PDPK1: variants seen among roughly 807,000 people sequenced by gnomAD.
The protein encoded by PDPK1 is 3-phosphoinositide-dependent protein kinase 1.
In PDPK1, 7 loss-of-function variants were observed where a neutral mutation model predicts 39.8. That is an observed-to-expected ratio of 0.18 (90% CI 0.10 to 0.33). The LOEUF (loss-of-function observed/expected upper bound fraction) is 0.33. PDPK1 is among the 10% of genes least tolerant of loss of function. PDPK1 has a pLI of 1.00. For missense variants in PDPK1, 182 were observed against 384.7 expected, an observed-to-expected ratio of 0.47 and a Z score of 4.41; for synonymous variants, 118 against 159.1, an observed-to-expected ratio of 0.74 and a Z score of 1.95.
At chr16:2,546,079 A>C (rs1009125547) in intron 1 of PDPK1, among the ~76,000 whole-genome samples, 2 of 151,978 alleles carry the variant, frequency 1.3e-5, no homozygotes, top group African/African-American at 4.8e-5. Flanking sequence ...GGAGATGATG[A>C]GCTAAAGGTA....
Position 2,593,207 on chromosome 16 carries a change from G to T in PDPK1, c.1344-2586G>T. Reference sequence around the variant, plus strand: ...CGGCCCAGCTCAATGTCTTCATTTAGGGCCATTGAGAGTTTCTTGTGTCAC... The same window carrying T: ...CGGCCCAGCTCAATGTCTTCATTTATGGCCATTGAGAGTTTCTTGTGTCAC... On this transcript the variant is annotated intron_variant, in intron 11 of 13. Coordinates refer to ENST00000342085, the MANE Select transcript of PDPK1 (RefSeq NM_002613.5). The surrounding 1 kb of genome is among the most constrained non-coding windows in gnomAD (Gnocchi z 4.2). 2.5e-6 allele frequency: 1 copy of T among 392,202 alleles called. No individual in the cohort carries two copies. Among genetic ancestry groups the T allele is most frequent in the Non-Finnish European group, 5.0e-6 (1 of 200,306 alleles). 24.3% of individuals were successfully genotyped at this position (392,202 alleles called of 1,614,324 possible). A position where few individuals can be genotyped will look rare whatever the true frequency, so the allele number is the denominator to read the frequency against.
intron 1 of PDPK1, among the ~76,000 whole-genome samples, chr16:2,544,052 T>C (rs2066289737): frequency 2.0e-5 from 3 of 152,102 alleles, no homozygotes; most frequent in African/African-American, 7.2e-5. Flanking sequence ...CTATATTCTT[T>C]AGGGAATCAT....
intron 6 of PDPK1, chr16:2,577,224 G>C: frequency 3.1e-6 from 2 of 635,070 alleles, no homozygotes; most frequent in South Asian, 3.6e-5. Flanking sequence ...CGCGTGTCGG[G>C]TGGGAGCGCC....
intron 11 of PDPK1, among the ~76,000 whole-genome samples, chr16:2,589,216 A>G (rs899514257): frequency 2.6e-5 from 4 of 152,194 alleles, no homozygotes; most frequent in Admixed American, 6.5e-5. Context: ...TCGGCTTCTC[A>G]AAGTGCTGGG....
chr16:2,590,955 C>CTTT (rs1189844610), intron 11 of PDPK1, among the ~76,000 whole-genome samples: 38 of 134,004 alleles, frequency 2.8e-4, no homozygotes, highest in African/African-American at 9.0e-4. Flanking sequence ...GGCCAAAAGT[C>CTTT]TTTTTTTTTT....
chr16:2,539,820 G>T (rs2066211800), intron 1 of PDPK1, among the ~76,000 whole-genome samples: 1 of 152,172 alleles, frequency 6.6e-6, no homozygotes, highest in African/African-American at 2.4e-5. Context: ...TCCAATGCAA[G>T]GTGTGTATTT....
In PDPK1 at chr16:2,600,465, C is replaced by A. The variant is rs1186111893; in HGVS notation, c.*2698C>A. ...GGCTTCTGAGGGATTCCTTTCTCCC[C>A]TCTTTGTGTGGCCCCAGCCAGGGCG... On this transcript the variant is annotated 3_prime_UTR_variant, in exon 14 of 14. Coordinates refer to ENST00000342085, the MANE Select transcript of PDPK1 (RefSeq NM_002613.5). 1 of 230,266 alleles carries A rather than the reference C, an allele frequency of 4.3e-6. No homozygotes were observed. Among genetic ancestry groups the A allele is most frequent in the Non-Finnish European group, 8.5e-6 (1 of 117,074 alleles). The allele number at this position is 230,266 out of a possible 1,614,324, so 14.3% of individuals were successfully genotyped here.
chr16:2,592,335 G>C (rs1372279136), intron 11 of PDPK1, among the ~76,000 whole-genome samples: 1 of 152,190 alleles, frequency 6.6e-6, no homozygotes, highest in African/African-American at 2.4e-5. Context: ...ATGAGAGTGA[G>C]GTGCCTCGGG....
chr16:2,551,556 T>C (rs1308825798), intron 1 of PDPK1, among the ~76,000 whole-genome samples: 1 of 151,482 alleles, frequency 6.6e-6, no homozygotes. Context: ...CACACTGCCA[T>C]TTAAAGGTAG....
chr16:2,538,557 G>T (rs1012149875), intron 1 of PDPK1: 9 of 1,115,454 alleles, frequency 8.1e-6, no homozygotes, highest in Non-Finnish European at 1.1e-5. Flanking sequence ...CCGCCTGCGA[G>T]AGAAGCAGAA....
In PDPK1 at chr16:2,601,571, T is replaced by C. The variant is rs539624769; in HGVS notation, c.*3804T>C. On this transcript the variant is annotated 3_prime_UTR_variant, in exon 14 of 14. Coordinates refer to ENST00000342085, the MANE Select transcript of PDPK1 (RefSeq NM_002613.5). Reference sequence around the variant, plus strand: ...CCTTGCCACATGCTTAGTGAGTGATTTGTAATTAAGTTTATAGACTCAGAA... The same window carrying C: ...CCTTGCCACATGCTTAGTGAGTGATCTGTAATTAAGTTTATAGACTCAGAA... The C allele has an allele frequency of 1.7e-4, 41 of 234,402 alleles. 1 individual carries two copies. The highest frequency in any genetic ancestry group is 7.3e-4 in the South Asian group (4 of 5,502). The allele number at this position is 234,402 out of a possible 1,614,324, so 14.5% of individuals were successfully genotyped here.
In PDPK1 at chr16:2,595,815, T is replaced by C. The variant is rs777350674; in HGVS notation, c.1366T>C (p.Leu456=). The change falls in exon 12 of 14, where the codon TTA becomes CTA. Residue 456 remains leucine (L), a synonymous_variant. Coordinates refer to ENST00000342085, the MANE Select transcript of PDPK1 (RefSeq NM_002613.5). ...NPWHQFVENN[L]ILKMGPVDKR... Reference sequence around the variant, plus strand: ...CAGGCACCAGTTTGTAGAAAATAATTTAATACTAAAGATGGGCCCAGTGGA... The same window carrying C: ...CAGGCACCAGTTTGTAGAAAATAATCTAATACTAAAGATGGGCCCAGTGGA... 9 of 1,613,648 alleles carry C rather than the reference T, an allele frequency of 5.6e-6. No homozygotes were observed. The highest frequency in any genetic ancestry group is 7.6e-6 in the Non-Finnish European group (9 of 1,179,536).
Position 2,597,779 on chromosome 16 carries a change from G to A in PDPK1, c.*12G>A. ...CCGCTGTGCAGTGACGTGGCCTGCG[G>A]CCGGGCTGCCCTTCGCTGCCAGGAC... On this transcript the variant is annotated 3_prime_UTR_variant, in exon 14 of 14. Transcript: ENST00000342085. This position sits in a 1 kb window ranked among gnomAD's most constrained non-coding sequence, Gnocchi z 6.3. The A allele has an allele frequency of 1.3e-6, 2 of 1,583,936 alleles. No homozygotes were observed. The highest frequency in any genetic ancestry group is 1.7e-6 in the Non-Finnish European group (2 of 1,154,692).
intron 1 of PDPK1, among the ~76,000 whole-genome samples, chr16:2,540,737 A>G (rs1020300121): frequency 1.3e-5 from 2 of 152,204 alleles, no homozygotes; most frequent in Non-Finnish European, 2.9e-5. Flanking sequence ...CTGTTTGGGA[A>G]GAGGCTGTGA....
intron 11 of PDPK1, among the ~76,000 whole-genome samples, chr16:2,590,736 A>C (rs2066972693): frequency 6.6e-6 from 1 of 152,224 alleles, no homozygotes; most frequent in Non-Finnish European, 1.5e-5. Context: ...GAATTTTGGA[A>C]AACTTTATTC....
At chr16:2,541,426 C>T (rs1472140088) in intron 1 of PDPK1, among the ~76,000 whole-genome samples, 3 of 152,178 alleles carry the variant, frequency 2.0e-5, no homozygotes, top group African/African-American at 4.8e-5. Flanking sequence ...GTGGCCAGTC[C>T]CTTCTGAGAG....
intron 11 of PDPK1, among the ~76,000 whole-genome samples, chr16:2,595,292 A>G (rs1322864404): frequency 1.3e-5 from 2 of 152,258 alleles, no homozygotes; most frequent in Non-Finnish European, 2.9e-5. Context: ...CTTACGTCCA[A>G]CTTGGGTCTG....
At chr16:2,591,420 G>A (rs2066987953) in intron 11 of PDPK1, among the ~76,000 whole-genome samples, 2 of 152,308 alleles carry the variant, frequency 1.3e-5, no homozygotes, top group African/African-American at 4.8e-5. Context: ...GTGTCACGGT[G>A]TGTGGAAATG....
At position 2,597,793 on chromosome 16, in the gene PDPK1, C is replaced by A; in HGVS notation, c.*26C>A. The A allele has an allele frequency of 1.3e-6, 2 of 1,507,272 alleles. No individual in the cohort carries two copies. The highest frequency in any genetic ancestry group is 1.8e-6 in the Non-Finnish European group (2 of 1,086,082). 93.4% of individuals were successfully genotyped at this position (1,507,272 alleles called of 1,614,324 possible). On this transcript the variant is annotated 3_prime_UTR_variant, in exon 14 of 14. Coordinates refer to ENST00000342085, the MANE Select transcript of PDPK1 (RefSeq NM_002613.5). This position sits in a 1 kb window ranked among gnomAD's most constrained non-coding sequence, Gnocchi z 6.3. ...CGTGGCCTGCGGCCGGGCTGCCCTT[C>A]GCTGCCAGGACACCTGCCCCAGCGC...
Sources: allele counts gnomAD v4.1 joint callset (sites outside exome capture counted in the v4.1 genomes callset), GRCh38; gene constraint gnomAD v4.1.1; non-coding constraint Gnocchi (gnomAD v3.1); transcripts MANE v1.5; gene names NCBI Gene and HGNC (gene_info 2026-07-23, HGNC 2026-07-21).